The following PHACTR1 variants were observed in gnomAD, a reference collection of about 807,000 sequenced individuals.
The protein encoded by PHACTR1 is RPEL repeat containing 1.
A neutral mutation model predicts 69.2 loss-of-function variants in PHACTR1; 16 were observed. The ratio of observed to expected loss-of-function variants is 0.23; its 90% confidence interval spans 0.16 to 0.35. The LOEUF is 0.35. Ranked by LOEUF, PHACTR1 falls within the 10% of genes least tolerant of loss-of-function variation. The pLI is 1.00. For missense variants in PHACTR1, 510 were observed against 734.7 expected (o/e 0.69, Z 3.54); for synonymous variants, 312 against 284.5 (o/e 1.10, Z -0.97).
intron 4 of PHACTR1, among the ~76,000 whole-genome samples, chr6:12,812,010 C>G (rs1034703717): frequency 6.6e-6 from 1 of 151,842 alleles, no homozygotes; most frequent in South Asian, 2.1e-4. Flanking sequence ...GGCAAATGCA[C>G]ATAACGTAAA....
chr6:12,880,487 C>T (rs1782982392), intron 4 of PHACTR1, among the ~76,000 whole-genome samples: 1 of 152,086 alleles, frequency 6.6e-6, no homozygotes, highest in African/African-American at 2.4e-5. Context: ...AACTTCTCAG[C>T]TCAAGTGATC....
chr6:12,810,676 G>T (rs1456319253), intron 4 of PHACTR1, among the ~76,000 whole-genome samples: 1 of 152,154 alleles, frequency 6.6e-6, no homozygotes, highest in African/African-American at 2.4e-5. Flanking sequence ...GACTGCCGTG[G>T]TGTGCCCTGC....
In PHACTR1 at chr6:13,228,004, A is replaced by T. The variant is rs1020932186; in HGVS notation, c.1175A>T (p.Tyr392Phe). ...ESDYEDSSCLYTREEEEEEED... is the reference protein window; with the variant it reads ...ESDYEDSSCLFTREEEEEEED... The stretch of plus-strand genomic sequence containing the variant: ...GACTACGAAGACTCTTCTTGCCTGT[A>T]TACAAGAGAAGAGGAGGAAGAGGAG... The change falls in exon 9 of 15, where the codon TAT becomes TTT. Residue 392 changes from tyrosine to phenylalanine, a missense_variant. Transcript: ENST00000332995. 1.9e-6 allele frequency: 3 copies of T among 1,614,046 alleles called. No homozygotes were observed. Among genetic ancestry groups the T allele is most frequent in the Non-Finnish European group, 8.5e-7 (1 of 1,179,898 alleles).
At chr6:13,165,012 G>T (rs1229957075) in intron 6 of PHACTR1, among the ~76,000 whole-genome samples, 1 of 151,874 alleles carries the variant, frequency 6.6e-6, no homozygotes. Flanking sequence ...CAGAGATTTA[G>T]ATAAAAGTTT....
At chr6:13,006,270 G>A (rs139086527) in intron 4 of PHACTR1, among the ~76,000 whole-genome samples, 1 of 152,316 alleles carries the variant, frequency 6.6e-6, no homozygotes, top group East Asian at 1.9e-4. Context: ...CCTGTAGTCC[G>A]ATAACCTTTC....
intron 5 of PHACTR1, among the ~76,000 whole-genome samples, chr6:13,091,057 G>A (rs1304234039): frequency 6.6e-6 from 1 of 152,030 alleles, no homozygotes; most frequent in East Asian, 1.9e-4. Context: ...TGTTGCCCAG[G>A]CTGGAGTGCA....
At chr6:13,222,682 G>A (rs1236391094) in intron 8 of PHACTR1, among the ~76,000 whole-genome samples, 1 of 152,236 alleles carries the variant, frequency 6.6e-6, no homozygotes, top group African/African-American at 2.4e-5. Flanking sequence ...AATCTGGGAT[G>A]ATTTTTGTCC....
intron 4 of PHACTR1, among the ~76,000 whole-genome samples, chr6:12,790,381 C>T (rs1184757036): frequency 6.6e-6 from 1 of 152,162 alleles, no homozygotes; most frequent in African/African-American, 2.4e-5. Context: ...CTTTTGTTCC[C>T]TCTGCCTGGA....
chr6:13,168,896 C>T (rs571797642), intron 6 of PHACTR1, among the ~76,000 whole-genome samples: 184 of 152,258 alleles, frequency 1.2e-3, no homozygotes, highest in Non-Finnish European at 2.2e-3. Context: ...GTTTATTCTT[C>T]ATCTTGAGAA....
At chr6:13,189,919 T>C (rs1224968645) in intron 7 of PHACTR1, among the ~76,000 whole-genome samples, 1 of 151,952 alleles carries the variant, frequency 6.6e-6, no homozygotes, top group Non-Finnish European at 1.5e-5. Context: ...GTCCGTAGGG[T>C]TCGGTTTCTA....
Position 13,193,519 on chromosome 6 carries a change from T to C in PHACTR1, c.664+10833T>C, listed in dbSNP as rs750130578. Among the ~76,000 whole-genome samples, 23 of 151,300 alleles carry C rather than the reference T, an allele frequency of 1.5e-4. 1 individual carries two copies. Among genetic ancestry groups the C allele is most frequent in the East Asian group, 1.9e-4 (1 of 5,164 alleles). On this transcript the variant is annotated intron_variant, in intron 7 of 14. Coordinates refer to ENST00000332995, the MANE Select transcript of PHACTR1 (RefSeq NM_030948.6). ...ATCCCACCTCAGCCTCCCAAGTAGC[T>C]GGGACTATAGGCATGCGCCACTACT...
Position 12,941,505 on chromosome 6 carries a change from A to G in PHACTR1, c.251-111860A>G, listed in dbSNP as rs553120743. Among the ~76,000 whole-genome samples the G allele has an allele frequency of 6.6e-5, 10 of 152,264 alleles. No individual in the cohort carries two copies. In the South Asian group the frequency reaches 2.1e-3, roughly 32 times the overall value. Reference sequence around the variant, plus strand: ...AGGTGGAGGGGCCTCATCACTCAGCACATTGCTCTAAGACCTTTCCTCAGC... The same window carrying G: ...AGGTGGAGGGGCCTCATCACTCAGCGCATTGCTCTAAGACCTTTCCTCAGC... On this transcript the variant is annotated intron_variant, in intron 4 of 14. Coordinates refer to ENST00000332995, the MANE Select transcript of PHACTR1 (RefSeq NM_030948.6).
At chr6:12,952,703 A>C (rs1582666551) in intron 4 of PHACTR1, among the ~76,000 whole-genome samples, 1 of 151,950 alleles carries the variant, frequency 6.6e-6, no homozygotes, top group Non-Finnish European at 1.5e-5. Context: ...GTGGACATGA[A>C]GTTTTCAACT....
intron 4 of PHACTR1, among the ~76,000 whole-genome samples, chr6:12,781,518 AT>A (rs1770819744): frequency 1.3e-5 from 2 of 152,176 alleles, no homozygotes; most frequent in African/African-American, 4.8e-5. Context: ...TTGAAAGAAT[AT>A]TTTCATTAAG....
chr6:13,085,230 A>G (rs1812083050), intron 5 of PHACTR1, among the ~76,000 whole-genome samples: 2 of 152,002 alleles, frequency 1.3e-5, no homozygotes, highest in African/African-American at 4.8e-5. Context: ...ATAATAATTT[A>G]TACTTTAACT....
At chr6:12,941,173 C>T (rs1273340362) in intron 4 of PHACTR1, among the ~76,000 whole-genome samples, 2 of 152,084 alleles carry the variant, frequency 1.3e-5, no homozygotes, top group Non-Finnish European at 2.9e-5. Context: ...CCCTTGAGTC[C>T]CAATACGTTT....
chr6:13,260,370 T>C (rs1775747956), intron 10 of PHACTR1, among the ~76,000 whole-genome samples: 1 of 152,118 alleles, frequency 6.6e-6, no homozygotes, highest in South Asian at 2.1e-4. Flanking sequence ...GGAGTGAAGG[T>C]AAATGAGGCA....
At chr6:13,017,628 T>G (rs562681083) in intron 4 of PHACTR1, among the ~76,000 whole-genome samples, 1 of 152,322 alleles carries the variant, frequency 6.6e-6, no homozygotes, top group African/African-American at 2.4e-5. Context: ...AAAATCAAAT[T>G]TAGAGAAAAT....
chr6:12,779,101 C>T (rs1272392020), intron 4 of PHACTR1, among the ~76,000 whole-genome samples: 2 of 152,100 alleles, frequency 1.3e-5, no homozygotes, highest in Non-Finnish European at 2.9e-5. Flanking sequence ...TTTGAGAGGC[C>T]GAGGCTGGCG....
Sources: gnomAD v4.1 joint callset for allele counts (sites outside exome capture counted in the v4.1 genomes callset) on GRCh38, gnomAD v4.1.1 for gene constraint, MANE v1.5 for transcripts, NCBI Gene and HGNC (gene_info 2026-07-23, HGNC 2026-07-21) for gene names.